UBL3: variants seen among roughly 807,000 people sequenced by gnomAD.
UBL3 encodes the protein ubiquitin like 3.
In UBL3, 6 loss-of-function variants were observed where a neutral mutation model predicts 18.4. The ratio of observed to expected loss-of-function variants is 0.33; its 90% CI spans 0.18 to 0.64. UBL3 has a LOEUF of 0.64. Among genes scored for constraint, UBL3 ranks in the 30% least tolerant of loss-of-function variants. UBL3 has a pLI of 0.76. For synonymous variants in UBL3, 49 were observed against 46.6 expected (o/e 1.05, Z -0.21); for missense variants, 109 against 142.9 (o/e 0.76, Z 1.21).
intron 1 of UBL3, among the ~76,000 whole-genome samples, chr13:29,849,031 T>C (rs1879300578): frequency 6.6e-6 from 1 of 152,252 alleles, no homozygotes; most frequent in South Asian, 2.1e-4. Context: ...AATTCTAACA[T>C]ACTTTTTCTT....
chr13:29,785,636 A>T (rs949906698), intron 1 of UBL3, among the ~76,000 whole-genome samples: 1 of 152,236 alleles, frequency 6.6e-6, no homozygotes, highest in Non-Finnish European at 1.5e-5. Flanking sequence ...CCTATGTAAG[A>T]CTGATTTAAA....
intron 1 of UBL3, among the ~76,000 whole-genome samples, chr13:29,832,476 G>GC (rs1260720547): frequency 2.0e-5 from 3 of 152,034 alleles, no homozygotes; most frequent in African/African-American, 7.3e-5. Flanking sequence ...GGGACTACAG[G>GC]ACCCCACCAC....
At chr13:29,814,659 TA>T (rs1878222977) in intron 1 of UBL3, among the ~76,000 whole-genome samples, 1 of 152,088 alleles carries the variant, frequency 6.6e-6, no homozygotes, top group Non-Finnish European at 1.5e-5. Flanking sequence ...TCCCAGCACA[TA>T]AGCTAATGAG....
chr13:29,824,268 T>C (rs886315272), intron 1 of UBL3, among the ~76,000 whole-genome samples: 4 of 152,142 alleles, frequency 2.6e-5, no homozygotes, highest in South Asian at 2.1e-4. Context: ...TTCTAGATCC[T>C]TGAGGAATCA....
chr13:29,835,098 AT>A (rs1566000923), intron 1 of UBL3, among the ~76,000 whole-genome samples: 1,294 of 21,796 alleles, frequency 0.059, 172 homozygotes, highest in African/African-American at 0.27. Context: ...AAATATATAT[AT>A]ATATATAAAT....
rs1879317815 is a variant in UBL3 at position 29,849,601 on chromosome 13, G to C, written c.-63C>G. On this transcript the variant is annotated 5_prime_UTR_variant, in exon 1 of 5. Transcript: ENST00000380680. ...AACAAACAAAGAAAAAAGAGCAGAAGTCTTCACGTTACAGAAATAAACCAC... is the reference window on the plus strand; with the variant it reads ...AACAAACAAAGAAAAAAGAGCAGAACTCTTCACGTTACAGAAATAAACCAC... The C allele has an allele frequency of 3.8e-6, 6 of 1,595,910 alleles. No individual in the cohort carries two copies. In the South Asian group the frequency reaches 5.5e-5, roughly 15 times the overall value.
chr13:29,814,873 A>C (rs1878229985), intron 1 of UBL3, among the ~76,000 whole-genome samples: 1 of 152,192 alleles, frequency 6.6e-6, no homozygotes, highest in African/African-American at 2.4e-5. Flanking sequence ...TCATGCAATA[A>C]GATCTAAGGG....
chr13:29,832,744 C>T lies in UBL3; in HGVS notation c.27+16768G>A, dbSNP rs556823162. 6.6e-5 allele frequency among the ~76,000 whole-genome samples: 10 copies of T among 152,316 alleles called. No individual in the cohort carries two copies. In the South Asian group the frequency reaches 2.1e-3, roughly 32 times the overall value. ...TCCGTGATGGAAGCAGCTATCCTGC[C>T]ACTCTGGCTACTTTTCCTTGGTCCC... On this transcript the variant is annotated intron_variant, in intron 1 of 4. Transcript: ENST00000380680.
At chr13:29,804,483 A>G (rs1456587851) in intron 1 of UBL3, among the ~76,000 whole-genome samples, 1 of 152,174 alleles carries the variant, frequency 6.6e-6, no homozygotes, top group Non-Finnish European at 1.5e-5. Context: ...ATTAGAGCTG[A>G]AATGAAGGAA....
At chr13:29,803,263 C>A (rs1442431709) in intron 1 of UBL3, among the ~76,000 whole-genome samples, 1 of 151,830 alleles carries the variant, frequency 6.6e-6, no homozygotes, top group Admixed American at 6.6e-5. Flanking sequence ...TAAAGGAGTG[C>A]TAAATATGGA....
intron 1 of UBL3, among the ~76,000 whole-genome samples, chr13:29,832,132 G>A (rs1878792539): frequency 6.6e-6 from 1 of 152,156 alleles, no homozygotes; most frequent in African/African-American, 2.4e-5. Flanking sequence ...AGTAGGCACT[G>A]TGCTAGACAC....
intron 1 of UBL3, among the ~76,000 whole-genome samples, chr13:29,790,212 A>G (rs1280331928): frequency 6.6e-6 from 1 of 152,218 alleles, no homozygotes; most frequent in African/African-American, 2.4e-5. Context: ...TTAGGAATAT[A>G]ATAATATACA....
intron 1 of UBL3, among the ~76,000 whole-genome samples, chr13:29,848,438 C>G (rs1169106183): frequency 1.3e-5 from 2 of 151,708 alleles, no homozygotes; most frequent in Non-Finnish European, 2.9e-5. Flanking sequence ...GCCTGGGCAA[C>G]AAGAGCAAAA....
chr13:29,832,587 T>A (rs1878809750), intron 1 of UBL3, among the ~76,000 whole-genome samples: 1 of 152,152 alleles, frequency 6.6e-6, no homozygotes, highest in Non-Finnish European at 1.5e-5. Flanking sequence ...CAGTAGACTG[T>A]ATAACAAATA....
At chr13:29,781,763 A>G (rs1381588865) in intron 1 of UBL3, among the ~76,000 whole-genome samples, 1 of 150,064 alleles carries the variant, frequency 6.7e-6, no homozygotes, top group East Asian at 2.0e-4. Context: ...GCAGGAGGAC[A>G]GCTTGAGGCC....
chr13:29,790,445 A>T (rs1316983628), intron 1 of UBL3, among the ~76,000 whole-genome samples: 1 of 152,154 alleles, frequency 6.6e-6, no homozygotes, highest in Non-Finnish European at 1.5e-5. Flanking sequence ...CCTTCTTCTC[A>T]TTTGTCATCT....
chr13:29,803,311 A>C (rs1437933150), intron 1 of UBL3, among the ~76,000 whole-genome samples: 1 of 152,126 alleles, frequency 6.6e-6, no homozygotes, highest in East Asian at 1.9e-4. Context: ...ACAGAAACAC[A>C]CAGAAGTACA....
intron 1 of UBL3, among the ~76,000 whole-genome samples, chr13:29,818,108 G>C (rs1296666432): frequency 6.6e-6 from 1 of 152,056 alleles, no homozygotes; most frequent in African/African-American, 2.4e-5. Flanking sequence ...CATTACACCA[G>C]AATCAGCTCT....
chr13:29,841,928 G>C (rs1879110781), intron 1 of UBL3, among the ~76,000 whole-genome samples: 1 of 152,076 alleles, frequency 6.6e-6, no homozygotes, highest in Non-Finnish European at 1.5e-5. Context: ...GCTCCAAAAT[G>C]ACCAACAATC....
Sources: allele counts gnomAD v4.1 joint callset (sites outside exome capture counted in the v4.1 genomes callset), GRCh38; gene constraint gnomAD v4.1.1; transcripts MANE v1.5; gene names NCBI Gene and HGNC (gene_info 2026-07-23, HGNC 2026-07-21).